Variants in CDH12 observed in about 807,000 individuals in gnomAD.
CDH12 encodes cadherin 12, also known as cadherin-12.
In CDH12, 41 loss-of-function variants were observed where a neutral mutation model predicts 74.1. The observed-to-expected ratio is 0.55, with a 90% confidence interval of 0.43 to 0.72. The LOEUF is 0.72. CDH12 is among the 30% of genes least tolerant of loss of function. CDH12 has a pLI of 0.00. For missense variants in CDH12, 945 were observed against 977.2 expected (o/e 0.97, Z 0.44); for synonymous variants, 399 against 355.0 (o/e 1.12, Z -1.39).
intron 13 of CDH12, among the ~76,000 whole-genome samples, chr5:21,757,403 T>G (rs967565092): frequency 1.3e-5 from 2 of 152,166 alleles, no homozygotes; most frequent in African/African-American, 2.4e-5. Flanking sequence ...CTCGAACTTC[T>G]GACCTCAGGT....
In CDH12 at chr5:22,830,633, TTTTCTG is replaced by T. The variant is rs542065962; in HGVS notation, c.-523+22419_-523+22424del. The stretch of plus-strand genomic sequence containing the variant: ...GTACATATATATACATCTTTCTATA[TTTTCTG>T]TTTCTAATTATTTTCTGATTCCTAG... On this transcript the variant is annotated intron_variant, in intron 1 of 14. Transcript: ENST00000382254. Among the ~76,000 whole-genome samples the T allele has an allele frequency of 2.8e-3, 427 of 152,016 alleles. 3 individuals carry two copies. Among genetic ancestry groups the T allele is most frequent in the African/African-American group, 9.5e-3 (394 of 41,560 alleles).
chr5:22,361,453 T>C (rs1015751355), intron 3 of CDH12, among the ~76,000 whole-genome samples: 3 of 152,138 alleles, frequency 2.0e-5, no homozygotes, highest in Non-Finnish European at 4.4e-5. Context: ...TGGAAGAACA[T>C]TCCATGCTCA....
intron 1 of CDH12, among the ~76,000 whole-genome samples, chr5:22,575,808 G>T (rs929462579): frequency 6.6e-6 from 1 of 151,840 alleles, no homozygotes; most frequent in African/African-American, 2.4e-5. Flanking sequence ...CAAGCGATCC[G>T]CCTGCCTCAG....
At chr5:21,805,937 A>G (rs991805529) in intron 9 of CDH12, among the ~76,000 whole-genome samples, 5 of 152,118 alleles carry the variant, frequency 3.3e-5, no homozygotes, top group Middle Eastern at 3.2e-3. Flanking sequence ...GGAAGAAATG[A>G]TTGACTAAAG....
intron 6 of CDH12, among the ~76,000 whole-genome samples, chr5:21,876,047 C>T (rs1257321639): frequency 6.6e-6 from 1 of 152,028 alleles, no homozygotes; most frequent in Admixed American, 6.6e-5. Context: ...AGGTGCACGC[C>T]ACCATGCCCA....
At chr5:22,592,703 CA>C (rs1736399908) in intron 1 of CDH12, among the ~76,000 whole-genome samples, 1 of 146,278 alleles carries the variant, frequency 6.8e-6, no homozygotes, top group African/African-American at 2.5e-5. Flanking sequence ...CCACCCAATC[CA>C]CTGCAATTTG....
At chr5:22,825,170 T>C (rs1029151222) in intron 1 of CDH12, among the ~76,000 whole-genome samples, 7 of 152,118 alleles carry the variant, frequency 4.6e-5, no homozygotes, top group Non-Finnish European at 1.5e-5. Flanking sequence ...TTCTAGACAC[T>C]GATAATATAG....
chr5:22,480,985 A>G (rs1055934856), intron 2 of CDH12, among the ~76,000 whole-genome samples: 5 of 152,240 alleles, frequency 3.3e-5, no homozygotes, highest in African/African-American at 7.2e-5. Context: ...CAATCAAGGT[A>G]AAATATGTTA....
At chr5:22,590,946 G>T (rs1161134033) in intron 1 of CDH12, among the ~76,000 whole-genome samples, 1 of 150,898 alleles carries the variant, frequency 6.6e-6, no homozygotes, top group African/African-American at 2.5e-5. Context: ...TGTAAAATCT[G>T]TCTTTTTCCA....
intron 1 of CDH12, among the ~76,000 whole-genome samples, chr5:22,827,807 C>A (rs73741803): frequency 0.011 from 1,667 of 152,214 alleles, 30 homozygotes; most frequent in African/African-American, 0.039. Flanking sequence ...TATTAACTGC[C>A]TTTAAAGCAG....
chr5:22,194,308 C>CTTTTTTTTTTTT (rs59899245), intron 4 of CDH12, among the ~76,000 whole-genome samples: 3 of 139,860 alleles, frequency 2.1e-5, no homozygotes, highest in Admixed American at 7.2e-5. Flanking sequence ...CTTTTTCTTT[C>CTTTTTTTTTTTT]TTTTTTTTTT....
chr5:22,608,781 T>C (rs186012687), intron 1 of CDH12, among the ~76,000 whole-genome samples: 11 of 152,300 alleles, frequency 7.2e-5, no homozygotes, highest in Non-Finnish European at 1.2e-4. Flanking sequence ...GTTTTATAAG[T>C]GGCTTCCTCT....
intron 2 of CDH12, among the ~76,000 whole-genome samples, chr5:22,420,441 A>C (rs1213596699): frequency 6.6e-6 from 1 of 152,040 alleles, no homozygotes; most frequent in African/African-American, 2.4e-5. Flanking sequence ...TCCTTTCCCC[A>C]TTGTTTGTTT....
chr5:22,573,971 G>A (rs1739658653), intron 1 of CDH12, among the ~76,000 whole-genome samples: 1 of 151,668 alleles, frequency 6.6e-6, no homozygotes, highest in South Asian at 2.1e-4. Context: ...TTCTTGGAGT[G>A]CAAAAGACTT....
intron 2 of CDH12, among the ~76,000 whole-genome samples, chr5:22,414,661 G>T (rs938751507): frequency 3.3e-5 from 5 of 151,498 alleles, no homozygotes; most frequent in African/African-American, 1.2e-4. Flanking sequence ...CTTTGCTATG[G>T]TAATTTTATT....
intron 2 of CDH12, among the ~76,000 whole-genome samples, chr5:22,493,897 A>C (rs1042371297): frequency 6.6e-6 from 1 of 152,164 alleles, no homozygotes; most frequent in Non-Finnish European, 1.5e-5. Context: ...TGGGATGGTC[A>C]AAACAAAAGG....
chr5:22,519,750 C>T (rs1182588956), intron 1 of CDH12, among the ~76,000 whole-genome samples: 1 of 152,042 alleles, frequency 6.6e-6, no homozygotes, highest in African/African-American at 2.4e-5. Context: ...AATGTTAACA[C>T]AGAATAGCTG....
intron 6 of CDH12, among the ~76,000 whole-genome samples, chr5:21,959,752 C>T (rs977603144): frequency 1.2e-5 from 1 of 80,822 alleles, no homozygotes. Flanking sequence ...TACTAAAATC[C>T]AAAAAAAAAA....
At chr5:22,098,320 C>A (rs947980649) in intron 4 of CDH12, among the ~76,000 whole-genome samples, 4 of 152,162 alleles carry the variant, frequency 2.6e-5, no homozygotes, top group African/African-American at 9.7e-5. Flanking sequence ...TCGTGTCCAG[C>A]TAATCTCCCA....
Sources: gnomAD v4.1 joint callset for allele counts (sites outside exome capture counted in the v4.1 genomes callset) on GRCh38, gnomAD v4.1.1 for gene constraint, MANE v1.5 for transcripts, NCBI Gene and HGNC (gene_info 2026-07-23, HGNC 2026-07-21) for gene names.